PNPLA7: variants seen among roughly 807,000 people sequenced by gnomAD.
PNPLA7 encodes the protein patatin like domain 7, lysophospholipase.
Under a neutral mutation model 161.7 loss-of-function variants are expected in PNPLA7, and 153 were observed. The observed-to-expected ratio is 0.95, with a 90% CI of 0.83 to 1.08. The LOEUF (loss-of-function observed/expected upper bound fraction) is 1.08, where lower values mean the gene tolerates loss of function less well. PNPLA7 is among the 50% of genes least tolerant of loss of function. The pLI is 0.00. For synonymous variants in PNPLA7, 809 were observed against 782.1 expected (o/e 1.03, Z -0.57); for missense variants, 1,739 against 1,856.6 (o/e 0.94, Z 1.16).
rs748884168 is a variant in PNPLA7, at chr9:137,463,465, G to A, written c.3293C>T (p.Pro1098Leu). The A allele has an allele frequency of 1.1e-5, 17 of 1,595,916 alleles. No individual in the cohort carries two copies. The African/African-American group carries it at 1.2e-4, about 11-fold the overall frequency. Residue 1098 changes from proline (P) to leucine (L), a missense_variant, in exon 29 of 35, where the codon CCG (proline) becomes CTG (leucine). Transcript: ENST00000406427. ...LSGYMPPLCDPKDGHLLMDGG... is the reference protein window; with the variant it reads ...LSGYMPPLCDLKDGHLLMDGG... ...GTCCATCAGCAGGTGTCCGTCCTTC[G>A]GGTCACAGAGAGGGGGCATGTAACC...
rs560052452 is a variant in PNPLA7, at chr9:137,464,087, C to T, written c.3226+39G>A. On this transcript the variant is annotated intron_variant, in intron 28 of 34. Transcript: ENST00000406427. ...CTGAGCTCTCCCCCTGCCCACACCT[C>T]GCACCCAAGCGGCCGCCCTGCGCAG... The T allele has an allele frequency of 2.4e-5, 39 of 1,600,824 alleles. 1 individual carries two copies. Among genetic ancestry groups the T allele is most frequent in the African/African-American group, 1.7e-4 (13 of 74,780 alleles).
At chr9:137,536,438 C>T (rs1158132728) in intron 8 of PNPLA7, among the ~76,000 whole-genome samples, 1 of 151,890 alleles carries the variant, frequency 6.6e-6, no homozygotes, top group Non-Finnish European at 1.5e-5. Context: ...GGGCGCTTCC[C>T]AGAGCAAAAA....
chr9:137,501,847 C>A (rs2132294308), intron 14 of PNPLA7, 120 bp from the exon 15 acceptor site: 1 of 1,015,838 alleles, frequency 9.8e-7, no homozygotes. Flanking sequence ...CCGGGCAAGG[C>A]CCTCCTCCGA....
intron 1 of PNPLA7, among the ~76,000 whole-genome samples, chr9:137,549,791 A>G (rs879764958): frequency 6.6e-6 from 1 of 152,150 alleles, no homozygotes; most frequent in Non-Finnish European, 1.5e-5. Context: ...TCTTGGGAAA[A>G]AAAAAAACAC....
intron 26 of PNPLA7, 137 bp from the exon 27 acceptor site, chr9:137,464,593 G>T: frequency 1.2e-6 from 1 of 802,914 alleles, no homozygotes. Context: ...ACGGTCCTGA[G>T]GCTTGGCGCC....
chr9:137,494,262 C>T (rs949473600), intron 19 of PNPLA7, among the ~76,000 whole-genome samples: 4 of 152,144 alleles, frequency 2.6e-5, no homozygotes, highest in African/African-American at 9.7e-5. Context: ...CCCGCCCTGT[C>T]CTTCTCCAGA....
Position 137,500,985 on chromosome 9 carries a change from G to T in PNPLA7, c.1552-89C>A. On this transcript the variant is annotated intron_variant, in intron 15 of 34. Transcript: ENST00000406427. This position sits in a 1 kb window ranked among gnomAD's most constrained non-coding sequence, Gnocchi z 5.5. ...GGCCCAGAGCGGACGATGCCACCAGGCTCAGCCGGGAGACCATCCGCCGAC... is the reference window on the plus strand; with the variant it reads ...GGCCCAGAGCGGACGATGCCACCAGTCTCAGCCGGGAGACCATCCGCCGAC... 1 of 1,237,460 alleles carries T rather than the reference G, an allele frequency of 8.1e-7. No individual in the cohort carries two copies. The highest frequency in any genetic ancestry group is 1.1e-6 in the Non-Finnish European group (1 of 896,310). 76.7% of individuals were successfully genotyped at this position (1,237,460 alleles called of 1,614,324 possible). A position where few individuals can be genotyped will look rare whatever the true frequency, so the allele number is the denominator to read the frequency against.
At chr9:137,527,828 T>C (rs1835377624) in intron 8 of PNPLA7, among the ~76,000 whole-genome samples, 1 of 152,254 alleles carries the variant, frequency 6.6e-6, no homozygotes, top group African/African-American at 2.4e-5. Flanking sequence ...TAGCATATTT[T>C]GTCCTTATTG....
At position 137,543,807 on chromosome 9, in the gene PNPLA7, T is replaced by C; in HGVS notation, c.282A>G (p.Thr94=). 2 of 1,612,788 alleles carry C rather than the reference T, an allele frequency of 1.2e-6. No individual in the cohort carries two copies. The highest frequency in any genetic ancestry group is 1.7e-6 in the Non-Finnish European group (2 of 1,179,594). Residue 94 remains threonine (T), a synonymous_variant, in exon 5 of 35, where the codon ACA becomes ACG. Coordinates refer to ENST00000406427, the MANE Select transcript of PNPLA7 (RefSeq NM_001098537.3). This position sits in a 1 kb window ranked among gnomAD's most constrained non-coding sequence, Gnocchi z 6.9. ...YGRKIMRKVT[T]LPNTLVENTA... is the part of the protein sequence containing the mutation. ...TGTTCTCCACAAGGGTGTTGGGGAG[T>C]GTGGTCACCTGCAGAGCCAAGGGAG...
In PNPLA7 at chr9:137,537,125, G is replaced by T. The variant is rs190482057; in HGVS notation, c.747+3517C>A. Among the ~76,000 whole-genome samples, 2 of 152,208 alleles carry T rather than the reference G, an allele frequency of 1.3e-5. No individual in the cohort carries two copies. The highest frequency in any genetic ancestry group is 1.3e-4 in the Admixed American group (2 of 15,288). ...AAAGCTGCTCAGAAGGAACCGAAGC[G>T]TTTTCAGTGTGAGGGGACAGACGGC... On this transcript the variant is annotated intron_variant, in intron 8 of 34. Coordinates refer to ENST00000406427, the MANE Select transcript of PNPLA7 (RefSeq NM_001098537.3). The surrounding 1 kb of genome is among the most constrained non-coding windows in gnomAD (Gnocchi z 4.5).
rs757368106 is a variant in PNPLA7 at position 137,486,701 on chromosome 9, CG to C, written c.2198-1966del. On this transcript the variant is annotated intron_variant, in intron 20 of 34. Coordinates refer to ENST00000406427, the MANE Select transcript of PNPLA7 (RefSeq NM_001098537.3). The surrounding 1 kb of genome is among the most constrained non-coding windows in gnomAD (Gnocchi z 6.0). ...AGCACCGGGAGCCCTGGGCCTCCAC[CG>C]CCCAGCCTTGGGGTGGCTTCAGCCG... 1.3e-5 allele frequency among the ~76,000 whole-genome samples: 2 copies of C among 152,104 alleles called. No homozygotes were observed. The highest frequency in any genetic ancestry group is 2.9e-5 in the Non-Finnish European group (2 of 68,026).
intron 25 of PNPLA7, among the ~76,000 whole-genome samples, chr9:137,475,537 G>C (rs1374987416): frequency 6.6e-6 from 1 of 152,032 alleles, no homozygotes; most frequent in Non-Finnish European, 1.5e-5. Flanking sequence ...ACCAAGCCTG[G>C]CTAATTTTTT....
rs781235923 is a variant in PNPLA7 at position 137,462,030 on chromosome 9, G to C, written c.3657C>G (p.Tyr1219Ter). Reference protein sequence around the residue: ...GKFNEICEVGYQHGRTVFDIW... With the variant: ...GKFNEICEVG ...TGTCAAACACCGTGCGCCCGTGCTG[G>C]TAGCCCACTTCCTGTGCACACCCCC... Residue 1219 changes from tyrosine to a stop codon, truncating the protein, a stop_gained, in exon 32 of 35, where the codon TAC becomes TAG. Coordinates refer to ENST00000406427, the MANE Select transcript of PNPLA7 (RefSeq NM_001098537.3). LOFTEE classifies it high-confidence loss of function. 3.1e-6 allele frequency: 5 copies of C among 1,596,220 alleles called. No homozygotes were observed. The highest frequency in any genetic ancestry group is 4.3e-6 in the Non-Finnish European group (5 of 1,172,594).
chr9:137,496,569 G>A (rs1296182805), intron 18 of PNPLA7, among the ~76,000 whole-genome samples: 1 of 152,018 alleles, frequency 6.6e-6, no homozygotes, highest in Non-Finnish European at 1.5e-5. Flanking sequence ...AAATTAGCCG[G>A]GCGTGGTGGC....
intron 8 of PNPLA7, among the ~76,000 whole-genome samples, chr9:137,533,123 T>G (rs1167531566): frequency 6.7e-6 from 1 of 148,366 alleles, no homozygotes; most frequent in African/African-American, 2.5e-5. Context: ...ACCCCTAGAC[T>G]CCTCCCCAAC....
At chr9:137,512,442 C>T (rs926632742) in intron 12 of PNPLA7, among the ~76,000 whole-genome samples, 12 of 152,358 alleles carry the variant, frequency 7.9e-5, no homozygotes, top group African/African-American at 1.9e-4. Context: ...GCCATCGGGA[C>T]GGCAGGCAGC....
At chr9:137,462,639 A>G (rs772885608) in intron 30 of PNPLA7, 46 bp downstream of exon 30, 3 of 1,602,306 alleles carry the variant, frequency 1.9e-6, no homozygotes, top group Middle Eastern at 3.4e-4. Flanking sequence ...GTGGAGCTGC[A>G]GGGAGGAGCA....
intron 33 of PNPLA7, chr9:137,461,209 C>A: frequency 2.7e-6 from 1 of 368,666 alleles, no homozygotes; most frequent in Non-Finnish European, 5.1e-6. Context: ...TCCTGCGGCC[C>A]CTCCAACAAG....
At position 137,500,810 on chromosome 9, in the gene PNPLA7, G is replaced by A. The variant is rs770943929; in HGVS notation, c.1638C>T (p.Leu546=). ...GGCCCACCATCTCCCCGGGGCGCGT[G>A]AGGAACAAGCAGGTGTCCTCCTGGC... is the stretch of plus-strand genomic sequence containing the variant. ...IGSQEDTCLF[L]TRPGEMVGQL... The change falls in exon 16 of 35, where the codon CTC becomes CTT. Residue 546 remains leucine (L), a synonymous_variant. Coordinates refer to ENST00000406427, the MANE Select transcript of PNPLA7 (RefSeq NM_001098537.3). The surrounding 1 kb of genome is among the most constrained non-coding windows in gnomAD (Gnocchi z 5.5). The A allele has an allele frequency of 3.1e-6, 5 of 1,608,248 alleles. No individual in the cohort carries two copies. In the East Asian group the frequency reaches 9.0e-5, roughly 29 times the overall value.
Sources: allele counts gnomAD v4.1 joint callset (sites outside exome capture counted in the v4.1 genomes callset), GRCh38; gene constraint gnomAD v4.1.1; non-coding constraint Gnocchi (gnomAD v3.1); transcripts MANE v1.5; gene names NCBI Gene and HGNC (gene_info 2026-07-23, HGNC 2026-07-21).